The following LIG1 variants were observed in gnomAD, a reference collection of about 807,000 sequenced individuals.
LIG1 encodes the protein DNA ligase 1.
LIG1 carries 70 observed loss-of-function variants against 115.7 expected under a neutral mutation model. That is an observed-to-expected ratio of 0.60 (90% CI 0.50 to 0.74). The LOEUF is 0.74. LIG1 is among the 30% of genes least tolerant of loss of function. The pLI is 0.00. For synonymous variants in LIG1, 487 were observed against 495.3 expected (o/e 0.98, Z 0.22); for missense variants, 1,115 against 1,225.6 (o/e 0.91, Z 1.35).
At position 48,116,359 on chromosome 19, in the gene LIG1, T is replaced by C. The variant is rs947295339; in HGVS notation, c.2584-394A>G. 6.3e-5 allele frequency among the ~76,000 whole-genome samples: 9 copies of C among 142,856 alleles called. 1 individual carries two copies. The highest frequency in any genetic ancestry group is 2.1e-4 in the African/African-American group (8 of 37,490). The allele number at this position is 142,856 out of a possible 152,430, so 93.7% of individuals were successfully genotyped here. A position where few individuals can be genotyped will look rare whatever the true frequency, so the allele number is the denominator to read the frequency against. ...TACTCAGGAAGCTGAGGCAGGAGAA[T>C]GGCGTGAATCCGGGAGGTGGGGAGC... On this transcript the variant is annotated intron_variant, in intron 26 of 27. Coordinates refer to ENST00000263274, the MANE Select transcript of LIG1 (RefSeq NM_000234.3).
Position 48,169,056 on chromosome 19 carries a change from C to G in LIG1, c.-58+1185G>C, listed in dbSNP as rs556524023. Among the ~76,000 whole-genome samples, 30 of 152,242 alleles carry G rather than the reference C, an allele frequency of 2.0e-4. No homozygotes were observed. The East Asian group carries it at 5.6e-3, about 28-fold the overall frequency. On this transcript the variant is annotated intron_variant, in intron 1 of 27. Coordinates refer to ENST00000263274, the MANE Select transcript of LIG1 (RefSeq NM_000234.3). ...AATAAAAAGAAACGAAGCACTGATA[C>G]AAGCAACAACTTGGGTGGACCTCCA...
chr19:48,116,549 A>G (rs1426772034), intron 26 of LIG1, among the ~76,000 whole-genome samples: 1 of 152,098 alleles, frequency 6.6e-6, no homozygotes, highest in Non-Finnish European at 1.5e-5. Context: ...GGGTTCTAGA[A>G]TCTGACTGTG....
intron 9 of LIG1, among the ~76,000 whole-genome samples, chr19:48,144,629 G>A (rs758460662): frequency 1.3e-5 from 2 of 151,970 alleles, no homozygotes; most frequent in Non-Finnish European, 1.5e-5. Flanking sequence ...AGCCTCCCAA[G>A]TAACTGGGAT....
chr19:48,156,679 A>G (rs1325521393), intron 5 of LIG1, among the ~76,000 whole-genome samples: 1 of 151,968 alleles, frequency 6.6e-6, no homozygotes, highest in Non-Finnish European at 1.5e-5. Flanking sequence ...GCGGTGGCTC[A>G]CGCCTGTAAT....
chr19:48,138,627 C>T (rs2034548459), intron 12 of LIG1, among the ~76,000 whole-genome samples: 1 of 152,200 alleles, frequency 6.6e-6, no homozygotes. Context: ...CCACGGGGGC[C>T]ACAAGGCGGC....
chr19:48,139,453 G>T (rs2034597409), intron 12 of LIG1, among the ~76,000 whole-genome samples: 1 of 151,992 alleles, frequency 6.6e-6, no homozygotes, highest in South Asian at 2.1e-4. Context: ...CCCCTTGCCT[G>T]CTCACAATCC....
intron 12 of LIG1, among the ~76,000 whole-genome samples, chr19:48,138,554 A>G (rs2034544552): frequency 6.6e-6 from 1 of 152,222 alleles, no homozygotes; most frequent in Non-Finnish European, 1.5e-5. Context: ...CGAATCACAC[A>G]TCAAAGGGGA....
At position 48,157,073 on chromosome 19, in the gene LIG1, G is replaced by C. The variant is rs751538734; in HGVS notation, c.311C>G (p.Ser104Cys). The change falls in exon 5 of 28, where the codon TCC (serine) becomes TGC (cysteine). Residue 104 changes from serine to cysteine, a missense_variant. Physicochemically the swap from Ser to Cys is moderately radical, Grantham distance 112 (BLOSUM62 -1). Coordinates refer to ENST00000263274, the MANE Select transcript of LIG1 (RefSeq NM_000234.3). ...GTCCATGGGAGAGGTGTCAGAGAGGGAAGCATTGTTCTCAGGAGATGTGGC... is the reference window on the plus strand; with the variant it reads ...GTCCATGGGAGAGGTGTCAGAGAGGCAAGCATTGTTCTCAGGAGATGTGGC... ...RPATSPENNA[S>C]LSDTSPMDSS... is the part of the protein sequence containing the mutation. 3 of 1,613,362 alleles carry C rather than the reference G, an allele frequency of 1.9e-6. No individual in the cohort carries two copies. The highest frequency in any genetic ancestry group is 2.5e-6 in the Non-Finnish European group (3 of 1,179,508).
At chr19:48,127,060 G>C in intron 21 of LIG1, 1 of 575,808 alleles carries the variant, frequency 1.7e-6, no homozygotes, top group South Asian at 2.0e-5. Flanking sequence ...TCACGCCAAT[G>C]TGGAGTTGGA....
chr19:48,157,162 C>G (rs1333297111), intron 4 of LIG1, 22 bp from the exon 5 acceptor site: 2 of 1,595,154 alleles, frequency 1.3e-6, no homozygotes, highest in Non-Finnish European at 1.7e-6. Flanking sequence ...AAGAACAGTT[C>G]TAGAGTGAGC....
intron 16 of LIG1, among the ~76,000 whole-genome samples, chr19:48,134,382 G>A (rs1656465919): frequency 6.6e-6 from 1 of 152,224 alleles, no homozygotes; most frequent in South Asian, 2.1e-4. Context: ...GGGCATGGTG[G>A]CTCATGCCTA....
At chr19:48,136,456 G>A (rs1271585923) in intron 14 of LIG1, among the ~76,000 whole-genome samples, 1 of 152,154 alleles carries the variant, frequency 6.6e-6, no homozygotes, top group Non-Finnish European at 1.5e-5. Context: ...GCCCGCCCTG[G>A]TGACTGTAAT....
At chr19:48,120,400 T>C in intron 24 of LIG1, 1 of 985,252 alleles carries the variant, frequency 1.0e-6, no homozygotes, top group Non-Finnish European at 1.2e-6. Context: ...AAAATGTAAA[T>C]AAAACATTCC....
chr19:48,135,483 C>T (rs919622129), intron 16 of LIG1, among the ~76,000 whole-genome samples, 197 bp downstream of exon 16: 14 of 152,170 alleles, frequency 9.2e-5, no homozygotes, highest in African/African-American at 2.9e-4. Context: ...TGCCACCTTC[C>T]TGATCTTTGT....
intron 23 of LIG1, among the ~76,000 whole-genome samples, chr19:48,121,813 A>G (rs1352375110): frequency 1.3e-5 from 2 of 152,200 alleles, no homozygotes; most frequent in African/African-American, 2.4e-5. Context: ...AAATAAATAA[A>G]TAAATAAATA....
chr19:48,134,298 G>A (rs763507729), intron 16 of LIG1, among the ~76,000 whole-genome samples: 9 of 152,052 alleles, frequency 5.9e-5, no homozygotes, highest in Non-Finnish European at 1.2e-4. Context: ...CTGTCACCAC[G>A]AGACCAGCGA....
intron 12 of LIG1, among the ~76,000 whole-genome samples, chr19:48,139,380 C>T (rs2034592705): frequency 6.6e-6 from 1 of 152,194 alleles, no homozygotes; most frequent in African/African-American, 2.4e-5. Flanking sequence ...TCTGCCAGAT[C>T]TCTCCTGCCC....
chr19:48,129,033 T>C (rs949979178), intron 19 of LIG1, among the ~76,000 whole-genome samples: 1 of 151,442 alleles, frequency 6.6e-6, no homozygotes, highest in African/African-American at 2.4e-5. Context: ...GTGCTGGGAT[T>C]ATAGGCGTGA....
intron 15 of LIG1, 126 bp downstream of exon 15, chr19:48,135,908 C>T: frequency 2.1e-6 from 2 of 948,454 alleles, no homozygotes; most frequent in Non-Finnish European, 3.3e-6. Flanking sequence ...CCCCCCCACC[C>T]AGGAGAGAGG....
Sources: gnomAD v4.1 joint callset for allele counts (sites outside exome capture counted in the v4.1 genomes callset) on GRCh38, gnomAD v4.1.1 for gene constraint, MANE v1.5 for transcripts, NCBI Gene and HGNC (gene_info 2026-07-23, HGNC 2026-07-21) for gene names.